The following APBA2 variants were observed in gnomAD, a reference collection of about 807,000 sequenced individuals.
The protein encoded by APBA2 is amyloid beta precursor protein binding family A member 2, also known as amyloid-beta A4 precursor protein-binding family A member 2.
APBA2 carries 30 observed loss-of-function variants against 75.0 expected under a neutral mutation model. That is an observed-to-expected ratio of 0.40 (90% confidence interval 0.30 to 0.54). The LOEUF is 0.54. APBA2 is among the 20% of genes least tolerant of loss of function. The pLI, the probability that APBA2 is intolerant of heterozygous loss-of-function variation, is 0.49. For missense variants in APBA2, 801 were observed against 1,016.1 expected (o/e 0.79, Z 2.88); for synonymous variants, 444 against 409.6 (o/e 1.08, Z -1.01).
At chr15:29,049,698 A>G (rs752402666) in intron 3 of APBA2, among the ~76,000 whole-genome samples, 1 of 152,176 alleles carries the variant, frequency 6.6e-6, no homozygotes, top group African/African-American at 2.4e-5. Flanking sequence ...CCAGCCATCC[A>G]CCAGTCGCTG....
intron 2 of APBA2, among the ~76,000 whole-genome samples, chr15:28,947,139 C>T (rs751041134): frequency 2.0e-5 from 3 of 152,232 alleles, no homozygotes; most frequent in Non-Finnish European, 2.9e-5. Flanking sequence ...TTTCCTGCCA[C>T]AGCGCACTTG....
chr15:29,038,530 C>G (rs1265664474), intron 3 of APBA2, among the ~76,000 whole-genome samples: 1 of 152,120 alleles, frequency 6.6e-6, no homozygotes, highest in Non-Finnish European at 1.5e-5. Context: ...GCTTCCTGGT[C>G]CTGCGATTAG....
intron 3 of APBA2, among the ~76,000 whole-genome samples, chr15:29,004,184 T>C (rs2038993290): frequency 6.6e-6 from 1 of 152,182 alleles, no homozygotes; most frequent in South Asian, 2.1e-4. Context: ...TAGGATCCCT[T>C]CTAAAAGCCA....
At chr15:29,058,014 T>A (rs1052690216) in intron 4 of APBA2, among the ~76,000 whole-genome samples, 1 of 152,238 alleles carries the variant, frequency 6.6e-6, no homozygotes, top group African/African-American at 2.4e-5. Flanking sequence ...TCCTGTTGCG[T>A]ATGTCCTCAT....
intron 3 of APBA2, among the ~76,000 whole-genome samples, chr15:29,010,480 G>C (rs768056595): frequency 6.6e-6 from 1 of 152,030 alleles, no homozygotes; most frequent in Non-Finnish European, 1.5e-5. Flanking sequence ...GGATAGTCTC[G>C]ATCTCCTGAC....
chr15:29,052,003 T>C (rs538488284), intron 3 of APBA2, among the ~76,000 whole-genome samples: 33 of 152,274 alleles, frequency 2.2e-4, no homozygotes, highest in African/African-American at 7.7e-4. Context: ...ACATAAAAAA[T>C]TTAGCATTTT....
rs374154186 is a variant in APBA2, at chr15:29,055,257, G to A, written c.951+422G>A. Among the ~76,000 whole-genome samples the A allele has an allele frequency of 4.9e-4, 75 of 152,342 alleles. No homozygotes were observed. In the South Asian group the frequency reaches 6.6e-3, roughly 13 times the overall value. On this transcript the variant is annotated intron_variant, in intron 4 of 14. Transcript: ENST00000683413. ...GGTGCTGGTGCTCACCCACTGCTGCGGCCAGTGTTGGGTGGCCTGGTGGCT... is the reference window on the plus strand; with the variant it reads ...GGTGCTGGTGCTCACCCACTGCTGCAGCCAGTGTTGGGTGGCCTGGTGGCT...
In APBA2 at chr15:29,070,345, G is replaced by A. The variant is rs2042564239; in HGVS notation, c.952-4576G>A. On this transcript the variant is annotated intron_variant, in intron 4 of 14. Transcript: ENST00000683413. The stretch of plus-strand genomic sequence containing the variant: ...TGTTCCATGAGATGTCTGGATACCG[G>A]GATGCAGGAGGGACTCCCCTTCCTC... Among the ~76,000 whole-genome samples, 2 of 152,176 alleles carry A rather than the reference G, an allele frequency of 1.3e-5. 1 individual carries two copies. Among genetic ancestry groups the A allele is most frequent in the South Asian group, 4.1e-4 (2 of 4,824 alleles).
At chr15:28,965,549 A>C (rs532106548) in intron 2 of APBA2, among the ~76,000 whole-genome samples, 2 of 152,358 alleles carry the variant, frequency 1.3e-5, no homozygotes, top group East Asian at 3.9e-4. Flanking sequence ...TAAGCCTGTC[A>C]GTCAATTTAG....
chr15:29,087,264 T>A (rs34945190), intron 6 of APBA2, among the ~76,000 whole-genome samples: 4,554 of 151,894 alleles, frequency 0.03, 94 homozygotes, highest in African/African-American at 0.055. Context: ...CATTTTTTTT[T>A]AAAAAAAATT....
intron 3 of APBA2, among the ~76,000 whole-genome samples, chr15:29,022,574 T>G (rs190333879): frequency 2.8e-4 from 43 of 152,318 alleles, no homozygotes; most frequent in Non-Finnish European, 5.4e-4. Context: ...CACCAGCTGA[T>G]TTGACATGTT....
chr15:29,111,090 CAT>C (rs1303773264), intron 13 of APBA2, among the ~76,000 whole-genome samples: 1 of 152,028 alleles, frequency 6.6e-6, no homozygotes, highest in Admixed American at 6.6e-5. Flanking sequence ...AGGAAGGAGT[CAT>C]GTGCAATTCT....
intron 3 of APBA2, among the ~76,000 whole-genome samples, chr15:29,017,397 CTTTTTTTTTTT>C (rs56993296): frequency 2.9e-5 from 3 of 102,058 alleles, no homozygotes; most frequent in East Asian, 3.3e-4. Context: ...TTCTTTCTTT[CTTTTTTTTTTT>C]TTTTTTTTTT....
chr15:29,069,629 C>T (rs1185873287), intron 4 of APBA2, among the ~76,000 whole-genome samples: 2 of 152,240 alleles, frequency 1.3e-5, no homozygotes, highest in Admixed American at 6.5e-5. Context: ...TACCCTGGCT[C>T]ATCCTGTGGA....
chr15:28,935,941 G>C (rs1021307954), intron 2 of APBA2, among the ~76,000 whole-genome samples: 1 of 152,212 alleles, frequency 6.6e-6, no homozygotes, highest in Non-Finnish European at 1.5e-5. Context: ...TCCCACACCA[G>C]AGTGGTGAAA....
intron 2 of APBA2, among the ~76,000 whole-genome samples, chr15:28,964,270 A>T (rs566949078): frequency 6.8e-4 from 104 of 152,304 alleles, no homozygotes; most frequent in Admixed American, 5.8e-3. Flanking sequence ...TTATATTCCC[A>T]TTAGCAATGT....
At chr15:28,969,744 A>G (rs945505147) in intron 2 of APBA2, among the ~76,000 whole-genome samples, 27 of 152,130 alleles carry the variant, frequency 1.8e-4, no homozygotes, top group African/African-American at 5.6e-4. Context: ...GAGACTGAGG[A>G]TTGAAGGGGC....
chr15:28,922,601 T>G (rs1307601561), intron 2 of APBA2, among the ~76,000 whole-genome samples: 2 of 152,178 alleles, frequency 1.3e-5, no homozygotes, highest in African/African-American at 4.8e-5. Flanking sequence ...GTGGGCCGTC[T>G]GAGCCACATT....
intron 3 of APBA2, among the ~76,000 whole-genome samples, chr15:29,041,484 G>GAA (rs56701766): frequency 5.8e-4 from 35 of 60,140 alleles, no homozygotes; most frequent in Admixed American, 8.9e-4. Flanking sequence ...CCCTGTCTCA[G>GAA]AAAAAAAAAA....
Sources: gnomAD v4.1 joint callset for allele counts (sites outside exome capture counted in the v4.1 genomes callset) on GRCh38, gnomAD v4.1.1 for gene constraint, MANE v1.5 for transcripts, NCBI Gene and HGNC (gene_info 2026-07-23, HGNC 2026-07-21) for gene names.